The following RBM10 variants were observed in gnomAD, a reference collection of about 807,000 sequenced individuals.
RBM10 encodes RNA-binding protein 10.
In RBM10, 1 loss-of-function variant was observed where a neutral mutation model predicts 84.9. The ratio of observed to expected loss-of-function variants is 0.01; its 90% confidence interval spans 0.00 to 0.06. The LOEUF (loss-of-function observed/expected upper bound fraction) is 0.06, where lower values mean the gene tolerates loss of function less well. Ranked by LOEUF, RBM10 falls within the 10% of genes least tolerant of loss-of-function variation. The probability of loss-of-function intolerance (pLI) is 1.00; values close to 1 mark genes in which losing one functional copy is unlikely to be tolerated. For missense variants in RBM10, 438 were observed against 839.0 expected (o/e 0.52, Z 5.90); for synonymous variants, 326 against 344.5 (o/e 0.95, Z 0.60).
intron 6 of RBM10, 97 bp downstream of exon 6, chrX:47,175,189 T>A: frequency 1.7e-6 from 1 of 583,675 alleles, no homozygotes; most frequent in Non-Finnish European, 2.8e-6. Context: ...TTCCCTGCCC[T>A]GTGGCCCTGT....
At chrX:47,153,563 G>A (rs1472419500) in intron 2 of RBM10, among the ~76,000 whole-genome samples, 2 of 111,698 alleles carry the variant, frequency 1.8e-5, no homozygotes, top group East Asian at 5.6e-4. Context: ...AGTGATTTAT[G>A]TATATTTTTA....
At chrX:47,181,111 T>C (rs1935492668) in intron 12 of RBM10, 104 bp from the exon 13 acceptor site, 1 of 537,861 alleles carries the variant, frequency 1.9e-6, no homozygotes, top group South Asian at 3.1e-5. Context: ...GTCTGTCAGG[T>C]AGAAATACTA....
chrX:47,172,983 A>T, intron 4 of RBM10, 145 bp from the exon 5 acceptor site: 1 of 1,141,124 alleles, frequency 8.8e-7, no homozygotes, highest in African/African-American at 1.8e-5. Flanking sequence ...GGCTGTTGTC[A>T]CTCAGGGAAA....
intron 5 of RBM10, 117 bp from the exon 6 acceptor site, chrX:47,174,902 T>C (rs1211077795): frequency 1.4e-5 from 8 of 555,655 alleles, no homozygotes; most frequent in African/African-American, 2.3e-5. Flanking sequence ...TCCTTTTTCC[T>C]CTTCCCCTTT....
At chrX:47,171,423 A>G (rs1934663826) in intron 4 of RBM10, among the ~76,000 whole-genome samples, 165 bp downstream of exon 4, 1 of 112,209 alleles carries the variant, frequency 8.9e-6, no homozygotes. Context: ...GGCAGGTCCC[A>G]TCGGCCCCCC....
intron 2 of RBM10, among the ~76,000 whole-genome samples, chrX:47,163,056 C>CAAAAAAAAA (rs367958692): frequency 1.1e-5 from 1 of 91,076 alleles, no homozygotes. Context: ...TATGCTTCTC[C>CAAAAAAAAA]AAAAAAAAAA....
Position 47,172,714 on chromosome X carries a change from C to T in RBM10, c.433-414C>T, listed in dbSNP as rs781929833. On this transcript the variant is annotated intron_variant, in intron 4 of 23. Transcript: ENST00000377604. ...AAGCTGCAGGTCAGCAGGGCAGGGGCGGGGGTGCGGGTTATCCCCTTGCCA... is the reference window on the plus strand; with the variant it reads ...AAGCTGCAGGTCAGCAGGGCAGGGGTGGGGGTGCGGGTTATCCCCTTGCCA... Among the ~76,000 whole-genome samples the T allele has an allele frequency of 7.1e-5, 8 of 112,310 alleles. No homozygotes were observed. In the East Asian group the frequency reaches 2.0e-3, roughly 27 times the overall value.
At chrX:47,183,453 G>A (rs920929281) in intron 17 of RBM10, among the ~76,000 whole-genome samples, 8 of 110,055 alleles carry the variant, frequency 7.3e-5, no homozygotes, top group South Asian at 3.9e-4. Context: ...CCCAGGAGGC[G>A]GAGGTTGCAG....
chrX:47,181,186 C>G (rs1935501922), intron 12 of RBM10, 29 bp from the exon 13 acceptor site: 1 of 597,456 alleles, frequency 1.7e-6, no homozygotes, highest in Middle Eastern at 5.4e-4. Flanking sequence ...CCTTCCTGTT[C>G]TAATGAACCC....
chrX:47,169,941 G>C (rs1556771528), intron 3 of RBM10, among the ~76,000 whole-genome samples: 1 of 112,595 alleles, frequency 8.9e-6, no homozygotes, highest in Non-Finnish European at 1.9e-5. Context: ...AGTGGTGATA[G>C]AGCCCCTAGA....
chrX:47,161,813 T>C (rs1475135366), intron 2 of RBM10, among the ~76,000 whole-genome samples: 1 of 111,195 alleles, frequency 9.0e-6, no homozygotes, highest in Non-Finnish European at 1.9e-5. Context: ...ATTAGGGGCA[T>C]GAGCCACTGC....
chrX:47,182,252 C>T lies in RBM10; in HGVS notation c.1876C>T (p.His626Tyr), dbSNP rs2147199290. Residue 626 changes from histidine to tyrosine, a missense_variant, in exon 17 of 24, where the codon CAT (histidine) becomes TAT (tyrosine). Coordinates refer to ENST00000377604, the MANE Select transcript of RBM10 (RefSeq NM_005676.5). Reference protein sequence around the residue: ...VPALEQSADGHKETGAPSKEG... With the variant: ...VPALEQSADGYKETGAPSKEG... ...CGCCCTGGAGCAGTCGGCCGACGGACATAAGGAGACAGGGGCACCCTCGAA... is the reference window on the plus strand; with the variant it reads ...CGCCCTGGAGCAGTCGGCCGACGGATATAAGGAGACAGGGGCACCCTCGAA... The T allele has an allele frequency of 8.3e-7, 1 of 1,211,633 alleles. No homozygotes were observed. Among genetic ancestry groups the T allele is most frequent in the Non-Finnish European group, 1.1e-6 (1 of 895,401 alleles).
At chrX:47,166,614 G>C (rs782112730) in intron 2 of RBM10, among the ~76,000 whole-genome samples, 4 of 108,883 alleles carry the variant, frequency 3.7e-5, no homozygotes, top group Non-Finnish European at 7.6e-5. Flanking sequence ...GACTATAGAT[G>C]TACACCACCA....
chrX:47,169,214 C>T, intron 2 of RBM10, 101 bp from the exon 3 acceptor site: 1 of 823,638 alleles, frequency 1.2e-6, no homozygotes, highest in Non-Finnish European at 1.7e-6. Context: ...GTATGCTCCT[C>T]CAAAAAAACC....
chrX:47,182,559 G>A (rs1223771675), intron 17 of RBM10, among the ~76,000 whole-genome samples: 1 of 113,417 alleles, frequency 8.8e-6, no homozygotes, highest in Non-Finnish European at 1.9e-5. Context: ...GAGGTGGCTT[G>A]TGCCATCCGA....
rs782415962 is a variant in RBM10 at position 47,185,420 on chromosome X, C to T, written c.2167-22C>T. The T allele has an allele frequency of 1.3e-5, 15 of 1,174,465 alleles. 1 individual carries two copies. The South Asian group carries it at 2.4e-4, about 19-fold the overall frequency. Reference sequence around the variant, plus strand: ...GGGCTCTGATCTGGCCAGGCCTGACCGCCCACCCTCACCCTCTACAGAGCC... The same window carrying T: ...GGGCTCTGATCTGGCCAGGCCTGACTGCCCACCCTCACCCTCTACAGAGCC... On this transcript the variant is annotated intron_variant, in intron 19 of 23. Transcript: ENST00000377604.
intron 2 of RBM10, chrX:47,158,232 G>T: frequency 5.4e-6 from 1 of 184,272 alleles, no homozygotes; most frequent in South Asian, 7.9e-5. Flanking sequence ...TGGGTCCTGA[G>T]GAAATTGCCC....
intron 2 of RBM10, among the ~76,000 whole-genome samples, chrX:47,148,053 C>G (rs1360628611): frequency 3.6e-5 from 4 of 111,871 alleles, no homozygotes; most frequent in African/African-American, 1.3e-4. Context: ...AGGCAGGTGA[C>G]CCAGCCATGA....
intron 1 of RBM10, 53 bp from the exon 2 acceptor site, chrX:47,147,304 G>T: frequency 9.0e-7 from 1 of 1,106,010 alleles, no homozygotes. Flanking sequence ...TTCTCAAGGA[G>T]GCCCTCTCAG....
Sources: gnomAD v4.1 joint callset for allele counts (sites outside exome capture counted in the v4.1 genomes callset) on GRCh38, gnomAD v4.1.1 for gene constraint, MANE v1.5 for transcripts, NCBI Gene and HGNC (gene_info 2026-07-23, HGNC 2026-07-21) for gene names.